FRMD4B: variants seen among roughly 807,000 people sequenced by gnomAD.
FRMD4B encodes FERM domain-containing protein 4B.
Under a neutral mutation model 141.5 loss-of-function variants are expected in FRMD4B, and 74 were observed. The observed-to-expected ratio is 0.52, with a 90% CI of 0.43 to 0.63. FRMD4B has a LOEUF of 0.63. FRMD4B is among the 30% of genes least tolerant of loss of function. The pLI is 0.00. For missense variants in FRMD4B, 1,366 were observed against 1,253.4 expected (o/e 1.09, Z -1.36); for synonymous variants, 506 against 467.9 (o/e 1.08, Z -1.05).
intron 1 of FRMD4B, among the ~76,000 whole-genome samples, chr3:69,379,018 T>C (rs1480512738): frequency 1.3e-5 from 2 of 152,304 alleles, no homozygotes; most frequent in African/African-American, 4.8e-5. Flanking sequence ...AGCCCTTTCA[T>C]AGACCTTGGT....
At chr3:69,295,042 C>T (rs1409081462) in intron 4 of FRMD4B, among the ~76,000 whole-genome samples, 1 of 152,148 alleles carries the variant, frequency 6.6e-6, no homozygotes, top group Non-Finnish European at 1.5e-5. Context: ...GTTGAGGCAG[C>T]CTGTTATTTA....
chr3:69,216,398 T>A, intron 10 of FRMD4B, 49 bp from the exon 11 acceptor site: 1 of 841,436 alleles, frequency 1.2e-6, no homozygotes, highest in Non-Finnish European at 1.9e-6. Context: ...TTAACTCTTC[T>A]AGAAGTGAAT....
In FRMD4B at chr3:69,169,375, T is replaced by TTTTTC. The variant is rs1553691449; in HGVS notation, c.*2485_*2486insGAAAA. ...TTTCTTTTTTTTTTTTTTTTTTTTT[T>TTTTTC]CTTGAGACAAGGTCTGTTATTGCCT... is the stretch of plus-strand genomic sequence containing the variant. On this transcript the variant is annotated 3_prime_UTR_variant, in exon 23 of 23. Transcript: ENST00000398540. 5.9e-4 allele frequency among the ~76,000 whole-genome samples: 74 copies of TTTTTC among 124,584 alleles called. 4 individuals are homozygous for TTTTTC. The highest frequency in any genetic ancestry group is 1.8e-3 in the African/African-American group (63 of 34,366). The allele number at this position is 124,584 out of a possible 152,430, so 81.7% of individuals were successfully genotyped here.
At chr3:69,353,225 A>C (rs181919632) in intron 1 of FRMD4B, among the ~76,000 whole-genome samples, 49 of 152,294 alleles carry the variant, frequency 3.2e-4, no homozygotes, top group African/African-American at 1.2e-3. Context: ...CCTTTAAAGG[A>C]GCAAAGATAG....
At chr3:69,339,639 A>G (rs148572719) in intron 1 of FRMD4B, among the ~76,000 whole-genome samples, 1 of 152,322 alleles carries the variant, frequency 6.6e-6, no homozygotes, top group African/African-American at 2.4e-5. Flanking sequence ...AAAAAAAATG[A>G]AAACAAAAAA....
chr3:69,435,866 T>C (rs1190255308), intron 1 of FRMD4B, among the ~76,000 whole-genome samples: 2 of 152,184 alleles, frequency 1.3e-5, no homozygotes, highest in African/African-American at 4.8e-5. Flanking sequence ...GCCCAGCAAC[T>C]ACATCATCAT....
At chr3:69,460,735 G>A (rs1000554825) in intron 1 of FRMD4B, among the ~76,000 whole-genome samples, 19 of 152,088 alleles carry the variant, frequency 1.2e-4, no homozygotes, top group African/African-American at 4.3e-4. Flanking sequence ...ATTTGACCAG[G>A]TTACCCACAG....
At chr3:69,399,612 G>T (rs1704527227) in intron 2 of FRMD4B, among the ~76,000 whole-genome samples, 1 of 152,060 alleles carries the variant, frequency 6.6e-6, no homozygotes, top group Non-Finnish European at 1.5e-5. Context: ...TCTTCTTTTG[G>T]GTTCTAATGC....
chr3:69,248,904 A>C (rs1452927357), intron 7 of FRMD4B, among the ~76,000 whole-genome samples: 1 of 151,818 alleles, frequency 6.6e-6, no homozygotes. Context: ...GATTATTGTA[A>C]GGTTTTTTTT....
chr3:69,192,741 TAAC>T (rs2092852470), intron 17 of FRMD4B, among the ~76,000 whole-genome samples: 1 of 152,212 alleles, frequency 6.6e-6, no homozygotes, highest in Non-Finnish European at 1.5e-5. Flanking sequence ...CATGTTGTGG[TAAC>T]AATTTTATAT....
intron 1 of FRMD4B, among the ~76,000 whole-genome samples, chr3:69,383,614 C>T (rs1453023208): frequency 2.0e-5 from 3 of 152,206 alleles, no homozygotes; most frequent in Non-Finnish European, 4.4e-5. Context: ...GGCTGAAGTG[C>T]AGTGGGACAA....
At chr3:69,276,314 C>G (rs1238810523) in intron 5 of FRMD4B, among the ~76,000 whole-genome samples, 1 of 152,118 alleles carries the variant, frequency 6.6e-6, no homozygotes, top group African/African-American at 2.4e-5. Flanking sequence ...ACTCTGTCGC[C>G]CAGGCTGGAG....
intron 1 of FRMD4B, chr3:69,471,402 T>C (rs570392245): frequency 4.3e-6 from 1 of 232,840 alleles, no homozygotes; most frequent in East Asian, 1.1e-4. Context: ...CGGTCACTGC[T>C]CAGCAAGAGA....
chr3:69,276,269 G>A (rs1280895770), intron 5 of FRMD4B, among the ~76,000 whole-genome samples: 1 of 152,292 alleles, frequency 6.6e-6, no homozygotes, highest in African/African-American at 2.4e-5. Flanking sequence ...TGGATGACAA[G>A]ATGTACTCTC....
intron 1 of FRMD4B, among the ~76,000 whole-genome samples, chr3:69,383,739 T>C (rs968269358): frequency 1.3e-5 from 2 of 151,972 alleles, no homozygotes; most frequent in Non-Finnish European, 2.9e-5. Context: ...TTTAAATTTT[T>C]TGTAGAGATG....
At chr3:69,520,552 G>A (rs746917996) in intron 1 of FRMD4B, among the ~76,000 whole-genome samples, 2 of 151,552 alleles carry the variant, frequency 1.3e-5, no homozygotes, top group African/African-American at 4.9e-5. Flanking sequence ...TTCTATCCTG[G>A]GGCTTGGCAT....
At position 69,172,105 on chromosome 3, in the gene FRMD4B, G is replaced by A; in HGVS notation, c.2985-124C>T. ...TAAGAAAAATTTCCCAAAATGTAGA[G>A]ATAAGGGAAAGGAGAAGGGTGACTG... On this transcript the variant is annotated intron_variant, in intron 22 of 22. Transcript: ENST00000398540. The A allele has an allele frequency of 7.6e-6, 6 of 790,158 alleles. 1 individual carries two copies. In the South Asian group the frequency reaches 9.3e-5, roughly 12 times the overall value. The allele number at this position is 790,158 out of a possible 1,614,324, so 48.9% of individuals were successfully genotyped here.
chr3:69,499,417 G>A (rs573506145), intron 1 of FRMD4B, among the ~76,000 whole-genome samples: 10 of 152,314 alleles, frequency 6.6e-5, no homozygotes, highest in Non-Finnish European at 1.2e-4. Context: ...ATGGCTGTAG[G>A]AGAAGAGATA....
chr3:69,225,519 C>CAAAAAAAAAAA (rs35855787), intron 7 of FRMD4B, among the ~76,000 whole-genome samples: 4 of 50,574 alleles, frequency 7.9e-5, no homozygotes, highest in Non-Finnish European at 1.3e-4. Flanking sequence ...ACTAAAAATA[C>CAAAAAAAAAAA]AAAAAAAAAA....
Sources: gnomAD v4.1 joint callset for allele counts (sites outside exome capture counted in the v4.1 genomes callset) on GRCh38, gnomAD v4.1.1 for gene constraint, MANE v1.5 for transcripts, NCBI Gene and HGNC (gene_info 2026-07-23, HGNC 2026-07-21) for gene names.